Variants in TMEM259 observed in about 807,000 individuals in gnomAD.
TMEM259 encodes membralin.
A neutral mutation model predicts 46.7 loss-of-function variants in TMEM259; 26 were observed. The observed-to-expected ratio is 0.56, with a 90% CI of 0.41 to 0.77. The LOEUF (loss-of-function observed/expected upper bound fraction) is 0.77. TMEM259 is among the 30% of genes least tolerant of loss of function. TMEM259 has a pLI of 0.00. For synonymous variants in TMEM259, 494 were observed against 395.1 expected, an observed-to-expected ratio of 1.25 and a Z score of -2.97; for missense variants, 930 against 900.5, an observed-to-expected ratio of 1.03 and a Z score of -0.42.
chr19:1,018,100 G>A (rs1877525964), intron 1 of TMEM259, among the ~76,000 whole-genome samples: 1 of 152,210 alleles, frequency 6.6e-6, no homozygotes, highest in African/African-American at 2.4e-5. Context: ...CACCCTGTGG[G>A]CATCCACTTG....
In TMEM259 at chr19:1,020,923, C is replaced by G. The variant is rs549163776; in HGVS notation, c.74G>C (p.Arg25Pro). Reference sequence around the variant, plus strand: ...GTTGAGATTGGGGGTGCGAGGCCCGCGCGCGGGGGCCGGGCCGCCGCCGCC... The same window carrying G: ...GTTGAGATTGGGGGTGCGAGGCCCGGGCGCGGGGGCCGGGCCGCCGCCGCC... ...NGGGGGPAPA[R>P]GPRTPNLNPN... The change falls in exon 1 of 11, where the codon CGC (arginine) becomes CCC (proline). Residue 25 changes from arginine to proline, a missense_variant. Physicochemically the swap from Arg to Pro is moderately radical, Grantham distance 103. Transcript: ENST00000356663. The surrounding 1 kb of genome is among the most constrained non-coding windows in gnomAD (Gnocchi z 4.0). The G allele has an allele frequency of 1.4e-5, 18 of 1,267,352 alleles. No individual in the cohort carries two copies. The South Asian group carries it at 5.4e-4, about 38-fold the overall frequency. 78.5% of individuals were successfully genotyped at this position (1,267,352 alleles called of 1,614,324 possible).
intron 1 of TMEM259, among the ~76,000 whole-genome samples, chr19:1,014,732 C>T (rs1333730237): frequency 1.3e-5 from 2 of 152,218 alleles, no homozygotes; most frequent in African/African-American, 4.8e-5. Context: ...CTGCCACCTG[C>T]AGCCCGGCTC....
rs1215597178 is a variant in TMEM259 at position 1,011,286 on chromosome 19, GCCTCCAGCGCCCCTC to G, written c.1217+66_1217+80del. On this transcript the variant is annotated intron_variant, in intron 9 of 10. Transcript: ENST00000356663. ...CCCGCGTGGCGCAGCCACCACCCCCGCCTCCAGCGCCCCTCCCTCTGGCAGCCCCCTACCCCTGCC... is the reference window on the plus strand; with the variant it reads ...CCCGCGTGGCGCAGCCACCACCCCCGCCTCTGGCAGCCCCCTACCCCTGCC... 6 of 1,535,776 alleles carry G rather than the reference GCCTCCAGCGCCCCTC, an allele frequency of 3.9e-6. No homozygotes were observed. The East Asian group carries it at 1.5e-4, about 38-fold the overall frequency.
intron 1 of TMEM259, among the ~76,000 whole-genome samples, chr19:1,019,017 A>G (rs72973520): frequency 0.11 from 16,796 of 150,346 alleles, 982 homozygotes; most frequent in South Asian, 0.14. Context: ...TTCACCACCC[A>G]GAGATCTCAC....
Position 1,013,229 on chromosome 19 carries a change from T to A in TMEM259, c.607+12A>T. ...ACCCCGTGAGGCAGTACACCTTTGG[T>A]GGGTGGCCTACCTTTGGTGGGCGTC... On this transcript the variant is annotated intron_variant, in intron 3 of 10. Coordinates refer to ENST00000356663, the MANE Select transcript of TMEM259 (RefSeq NM_001033026.2). 1 of 1,610,052 alleles carries A rather than the reference T, an allele frequency of 6.2e-7. No homozygotes were observed. Among genetic ancestry groups the A allele is most frequent in the Non-Finnish European group, 8.5e-7 (1 of 1,176,680 alleles).
At chr19:1,011,075 T>TG in intron 10 of TMEM259, 21 bp downstream of exon 10, 1 of 1,567,838 alleles carries the variant, frequency 6.4e-7, no homozygotes. Flanking sequence ...GCCTGCCCCC[T>TG]GCTTGCCGCC....
intron 4 of TMEM259, 100 bp from the exon 5 acceptor site, chr19:1,012,288 C>A (rs1383830787): frequency 2.0e-6 from 3 of 1,513,572 alleles, no homozygotes; most frequent in East Asian, 4.9e-5. Context: ...TGCTTCCTGG[C>A]CCTGCCCATT....
At chr19:1,017,852 C>T (rs1057393084) in intron 1 of TMEM259, among the ~76,000 whole-genome samples, 6 of 152,202 alleles carry the variant, frequency 3.9e-5, no homozygotes, top group Non-Finnish European at 8.8e-5. Context: ...GGAAACACTA[C>T]CTGGGGCTCC....
Position 1,011,783 on chromosome 19 carries a change from T to C in TMEM259, c.958A>G (p.Met320Val). The C allele has an allele frequency of 1.9e-6, 3 of 1,571,726 alleles. No homozygotes were observed. The highest frequency in any genetic ancestry group is 4.7e-5 in the East Asian group (2 of 42,142). ...TGGTGGTGTGAGTACCGCAGCAGCA[T>C]GGACACGCTCAGCGTCTGCAAGGGG... ...IMVIFTLSVS[M>V]LLRYSHHQIF... is the part of the protein sequence containing the mutation. The change falls in exon 7 of 11, where the codon ATG becomes GTG. Residue 320 changes from methionine to valine, a missense_variant. Met to Val is a conservative substitution (Grantham distance 21). Coordinates refer to ENST00000356663, the MANE Select transcript of TMEM259 (RefSeq NM_001033026.2).
In TMEM259 at chr19:1,020,929, G is replaced by A; in HGVS notation, c.68C>T (p.Pro23Leu). Residue 23 changes from proline to leucine, a missense_variant, in exon 1 of 11, where the codon CCC becomes CTC. By Grantham distance (98) the Pro-to-Leu change is moderately conservative. Coordinates refer to ENST00000356663, the MANE Select transcript of TMEM259 (RefSeq NM_001033026.2). This position sits in a 1 kb window ranked among gnomAD's most constrained non-coding sequence, Gnocchi z 4.0. ...GPNGGGGGPAPARGPRTPNLN... is the reference protein window; with the variant it reads ...GPNGGGGGPALARGPRTPNLN... ...ATTGGGGGTGCGAGGCCCGCGCGCGGGGGCCGGGCCGCCGCCGCCGCCGTT... is the reference window on the plus strand; with the variant it reads ...ATTGGGGGTGCGAGGCCCGCGCGCGAGGGCCGGGCCGCCGCCGCCGCCGTT... The A allele has an allele frequency of 3.2e-6, 4 of 1,268,588 alleles. No individual in the cohort carries two copies. The highest frequency in any genetic ancestry group is 4.0e-6 in the Non-Finnish European group (4 of 1,006,556). The allele number at this position is 1,268,588 out of a possible 1,614,324, so 78.6% of individuals were successfully genotyped here.
chr19:1,014,803 C>G (rs769196437), intron 1 of TMEM259, among the ~76,000 whole-genome samples: 2 of 152,196 alleles, frequency 1.3e-5, no homozygotes, highest in African/African-American at 2.4e-5. Context: ...AGGGGTGAGC[C>G]GGACGAAGCC....
Position 1,010,601 on chromosome 19 carries a change from G to C in TMEM259, c.1612C>G (p.Leu538Val), listed in dbSNP as rs763461027. Reference protein sequence around the residue: ...ASVAAAAGGDLGWMAETAAII... With the variant: ...ASVAAAAGGDVGWMAETAAII... ...GCAGCGGTCTCTGCCATCCAACCCAGGTCACCACCGGCAGCTGCTGCCACT... is the reference window on the plus strand; with the variant it reads ...GCAGCGGTCTCTGCCATCCAACCCACGTCACCACCGGCAGCTGCTGCCACT... Residue 538 changes from leucine to valine, a missense_variant, in exon 11 of 11, where the codon CTG becomes GTG. Physicochemically the swap from Leu to Val is conservative, Grantham distance 32. Coordinates refer to ENST00000356663, the MANE Select transcript of TMEM259 (RefSeq NM_001033026.2). 6 of 1,551,132 alleles carry C rather than the reference G, an allele frequency of 3.9e-6. No homozygotes were observed. The highest frequency in any genetic ancestry group is 3.5e-6 in the Non-Finnish European group (4 of 1,149,970).
intron 10 of TMEM259, 41 bp from the exon 11 acceptor site, chr19:1,010,936 G>A: frequency 6.4e-7 from 1 of 1,568,408 alleles, no homozygotes; most frequent in Non-Finnish European, 8.6e-7. Flanking sequence ...GCCCGCCCCT[G>A]CCCCACCCAG....
Position 1,009,711 on chromosome 19 carries a change from T to A in TMEM259, c.*639A>T. The A allele has an allele frequency of 1.1e-6, 1 of 935,014 alleles. No homozygotes were observed. The highest frequency in any genetic ancestry group is 1.5e-6 in the Non-Finnish European group (1 of 687,754). The allele number at this position is 935,014 out of a possible 1,614,324, so 57.9% of individuals were successfully genotyped here. On this transcript the variant is annotated 3_prime_UTR_variant, in exon 11 of 11. Transcript: ENST00000356663. ...CACAATTTTGTACACTGCAATTAAA[T>A]AGAATGGAATGAGCGCTCCTCCGCA... is the stretch of plus-strand genomic sequence containing the variant.
Position 1,010,023 on chromosome 19 carries a change from C to T in TMEM259, c.*327G>A, listed in dbSNP as rs13627. 0.11 allele frequency: 40,417 copies of T among 363,838 alleles called. 2,541 individuals are homozygous for T. Among genetic ancestry groups the T allele is most frequent in the South Asian group, 0.13 (2,232 of 16,610 alleles). 22.5% of individuals were successfully genotyped at this position (363,838 alleles called of 1,614,324 possible). ...GCCTCTCCTCCACACCTCCGCCTTG[C>T]TCAGAGACCTGCACCATGGGACCCC... On this transcript the variant is annotated 3_prime_UTR_variant, in exon 11 of 11. Transcript: ENST00000356663.
At chr19:1,014,053 C>A in intron 2 of TMEM259, 139 bp downstream of exon 2, 1 of 1,102,074 alleles carries the variant, frequency 9.1e-7, no homozygotes, top group Non-Finnish European at 1.3e-6. Flanking sequence ...CCACGGCAGG[C>A]AGGGGCGGCC....
intron 1 of TMEM259, among the ~76,000 whole-genome samples, chr19:1,016,372 G>A (rs908394323): frequency 3.3e-5 from 5 of 152,212 alleles, no homozygotes; most frequent in African/African-American, 9.6e-5. Context: ...TGGGCCCAGT[G>A]GTGGGTCACG....
In TMEM259 at chr19:1,020,367, T is replaced by A. The variant is rs1052524819; in HGVS notation, c.225+405A>T. On this transcript the variant is annotated intron_variant, in intron 1 of 10. Transcript: ENST00000356663. The surrounding 1 kb of genome is among the most constrained non-coding windows in gnomAD (Gnocchi z 4.0). ...GAACTGAGGGTCTCAGGCGGCACAG[T>A]CAGGGGTCAAAGGGCGGGAGGTGCT... Among the ~76,000 whole-genome samples the A allele has an allele frequency of 6.6e-6, 1 of 151,258 alleles. No individual in the cohort carries two copies. The highest frequency in any genetic ancestry group is 2.4e-5 in the African/African-American group (1 of 41,146).
intron 9 of TMEM259, 34 bp downstream of exon 9, chr19:1,011,333 C>A: frequency 6.4e-7 from 1 of 1,555,130 alleles, no homozygotes; most frequent in Non-Finnish European, 8.7e-7. Context: ...TGCCCACCAG[C>A]ACCCACTCCA....
Sources: allele counts gnomAD v4.1 joint callset (sites outside exome capture counted in the v4.1 genomes callset), GRCh38; gene constraint gnomAD v4.1.1; non-coding constraint Gnocchi (gnomAD v3.1); transcripts MANE v1.5; gene names NCBI Gene and HGNC (gene_info 2026-07-23, HGNC 2026-07-21).